The following CD48 variants were observed in gnomAD, a reference collection of about 807,000 sequenced individuals.
The protein encoded by CD48 is CD48 molecule, also known as CD48 antigen.
In CD48, 20 loss-of-function variants were observed where a neutral mutation model predicts 22.0. The ratio of observed to expected loss-of-function variants is 0.91; its 90% CI spans 0.64 to 1.32. The LOEUF (loss-of-function observed/expected upper bound fraction) is 1.32, where lower values mean the gene tolerates loss of function less well. CD48 is among the 40% of genes most tolerant of loss of function. The pLI, the probability that CD48 is intolerant of heterozygous loss-of-function variation, is 0.00. For missense variants in CD48, 307 were observed against 286.5 expected, an observed-to-expected ratio of 1.07 and a Z score of -0.52; for synonymous variants, 110 against 110.1, an observed-to-expected ratio of 1.00 and a Z score of 0.01.
intron 1 of CD48, among the ~76,000 whole-genome samples, chr1:160,704,139 T>C (rs1662721249): frequency 6.6e-6 from 1 of 152,188 alleles, no homozygotes; most frequent in Non-Finnish European, 1.5e-5. Context: ...TTCACAAAGT[T>C]TGGATCAGAG....
In CD48 at chr1:160,681,237, T is replaced by C. The variant is rs1661790393; in HGVS notation, c.617A>G (p.Asn206Ser). The change falls in exon 3 of 4, where the codon AAT (asparagine) becomes AGT (serine). Residue 206 changes from asparagine (N) to serine (S), a missense_variant. By Grantham distance (46) the Asn-to-Ser change is conservative. Coordinates refer to ENST00000368046, the MANE Select transcript of CD48 (RefSeq NM_001778.4). ...CQVSNSVSSK[N>S]GTVCLSPPCT... Reference sequence around the variant, plus strand: ...GGGTGGACTGAGGCAGACCGTGCCATTCTTGCTGCTCACAGAATTGCTGAC... The same window carrying C: ...GGGTGGACTGAGGCAGACCGTGCCACTCTTGCTGCTCACAGAATTGCTGAC... The C allele has an allele frequency of 6.2e-7, 1 of 1,614,220 alleles. No homozygotes were observed. The highest frequency in any genetic ancestry group is 1.1e-5 in the South Asian group (1 of 91,084).
chr1:160,704,379 A>C (rs559567663), intron 1 of CD48, among the ~76,000 whole-genome samples: 1 of 152,342 alleles, frequency 6.6e-6, no homozygotes, highest in Admixed American at 6.5e-5. Context: ...AGAAATGGGA[A>C]GTACTTAGTT....
intron 1 of CD48, chr1:160,699,433 G>A (rs896059395): frequency 1.0e-4 from 16 of 153,428 alleles, no homozygotes; most frequent in African/African-American, 3.8e-4. Context: ...TCGTGGGAAG[G>A]GAAAGACCTG....
At chr1:160,679,428 G>A (rs1042508133) in intron 3 of CD48, among the ~76,000 whole-genome samples, 6 of 152,140 alleles carry the variant, frequency 3.9e-5, no homozygotes, top group African/African-American at 1.2e-4. Flanking sequence ...GGACATCAAC[G>A]AGGTAGGGTA....
intron 1 of CD48, among the ~76,000 whole-genome samples, chr1:160,704,282 C>G (rs1662725335): frequency 6.6e-6 from 1 of 152,206 alleles, no homozygotes; most frequent in South Asian, 2.1e-4. Flanking sequence ...CAGCCTCTGT[C>G]TACTCTAACA....
rs371865169 is a variant in CD48 at position 160,684,797 on chromosome 1, C to T, written c.385+90G>A. On this transcript the variant is annotated intron_variant, in intron 2 of 3. Transcript: ENST00000368046. Reference sequence around the variant, plus strand: ...CCTGAGGTTTTTCTCTCCTCCTCCCCGAGAGTGCCCCATGCCTCCCAGGAA... The same window carrying T: ...CCTGAGGTTTTTCTCTCCTCCTCCCTGAGAGTGCCCCATGCCTCCCAGGAA... The T allele has an allele frequency of 9.5e-5, 153 of 1,613,756 alleles. No individual in the cohort carries two copies. In the East Asian group the frequency reaches 1.0e-3, roughly 11 times the overall value.
intron 1 of CD48, chr1:160,691,678 T>G (rs1321196473): frequency 3.9e-6 from 1 of 256,390 alleles, no homozygotes; most frequent in Admixed American, 5.4e-5. Flanking sequence ...TGTCTCTGTG[T>G]CTTTTTCTTT....
At chr1:160,690,271 C>A (rs1361023581) in intron 1 of CD48, among the ~76,000 whole-genome samples, 1 of 152,210 alleles carries the variant, frequency 6.6e-6, no homozygotes, top group Non-Finnish European at 1.5e-5. Flanking sequence ...TGGGCCGTGC[C>A]TTCCCCTGTT....
chr1:160,701,625 T>C (rs1231456223), intron 1 of CD48, among the ~76,000 whole-genome samples: 2 of 152,144 alleles, frequency 1.3e-5, no homozygotes, highest in Admixed American at 6.5e-5. Flanking sequence ...AGAAGAGTTA[T>C]GTGGAATATT....
intron 1 of CD48, among the ~76,000 whole-genome samples, chr1:160,685,609 T>C (rs1213492058): frequency 1.3e-5 from 2 of 152,202 alleles, no homozygotes; most frequent in African/African-American, 2.4e-5. Flanking sequence ...ACATAAAAAG[T>C]ACATGATTCT....
At chr1:160,707,395 G>C (rs1291079067) in intron 1 of CD48, among the ~76,000 whole-genome samples, 2 of 152,024 alleles carry the variant, frequency 1.3e-5, no homozygotes, top group Non-Finnish European at 2.9e-5. Context: ...ATTCAGTGGA[G>C]GGAAGACATG....
intron 1 of CD48, among the ~76,000 whole-genome samples, chr1:160,711,081 A>G (rs1229972268): frequency 6.6e-6 from 1 of 152,190 alleles, no homozygotes; most frequent in African/African-American, 2.4e-5. Context: ...AGGCTGTGGC[A>G]GAGGAATGGA....
At chr1:160,697,279 G>A (rs199563824) in intron 1 of CD48, among the ~76,000 whole-genome samples, 5 of 152,306 alleles carry the variant, frequency 3.3e-5, no homozygotes, top group African/African-American at 1.2e-4. Context: ...GACATTTGAA[G>A]TTCTACAATG....
In CD48 at chr1:160,679,217, G is replaced by A. The variant is rs545830119; in HGVS notation, c.653-86C>T. The A allele has an allele frequency of 9.1e-5, 93 of 1,023,150 alleles. No individual in the cohort carries two copies. In the African/African-American group the frequency reaches 9.6e-4, roughly 11 times the overall value. 63.4% of individuals were successfully genotyped at this position (1,023,150 alleles called of 1,614,324 possible). A position where few individuals can be genotyped will look rare whatever the true frequency, so the allele number is the denominator to read the frequency against. ...AGGGGCAAGTGTACTGGACACTGGT[G>A]TGGGAGCTCACAGAGCAGGGAAATT... On this transcript the variant is annotated intron_variant, in intron 3 of 3. Coordinates refer to ENST00000368046, the MANE Select transcript of CD48 (RefSeq NM_001778.4).
intron 1 of CD48, among the ~76,000 whole-genome samples, chr1:160,696,465 C>A (rs1662433149): frequency 6.6e-6 from 1 of 152,252 alleles, no homozygotes; most frequent in South Asian, 2.1e-4. Flanking sequence ...AACAAGCTGA[C>A]TTACTGGTAT....
chr1:160,708,744 T>C (rs533425760), intron 1 of CD48, among the ~76,000 whole-genome samples: 33 of 152,062 alleles, frequency 2.2e-4, no homozygotes, highest in African/African-American at 7.7e-4. Context: ...TTTTTTTAAG[T>C]CTGTAAATTT....
chr1:160,686,807 G>A (rs549374513), intron 1 of CD48: 14 of 152,200 alleles, frequency 9.2e-5, no homozygotes, highest in African/African-American at 2.4e-4. Context: ...AGTACTTAAC[G>A]GGGTATTAGA....
In CD48 at chr1:160,685,915, T is replaced by C. The variant is rs544090610; in HGVS notation, c.83-726A>G. ...ATGGACAGTCATGGAGAAATATGAT[T>C]GGACAAAAAGGGTATGATTGAATGC... On this transcript the variant is annotated intron_variant, in intron 1 of 3. Coordinates refer to ENST00000368046, the MANE Select transcript of CD48 (RefSeq NM_001778.4). Among the ~76,000 whole-genome samples the C allele has an allele frequency of 2.0e-5, 3 of 152,314 alleles. No individual in the cohort carries two copies. The East Asian group carries it at 5.8e-4, about 29-fold the overall frequency.
intron 1 of CD48, among the ~76,000 whole-genome samples, chr1:160,686,269 A>G (rs1337969423): frequency 6.6e-6 from 1 of 151,920 alleles, no homozygotes; most frequent in Admixed American, 6.5e-5. Flanking sequence ...ACTGATAGAC[A>G]GGAGGGCAGG....
Sources: allele counts gnomAD v4.1 joint callset (sites outside exome capture counted in the v4.1 genomes callset), GRCh38; gene constraint gnomAD v4.1.1; transcripts MANE v1.5; gene names NCBI Gene and HGNC (gene_info 2026-07-23, HGNC 2026-07-21).